Variants in CDH13 observed in about 807,000 individuals in gnomAD.
CDH13 encodes cadherin-13.
In CDH13, 24 loss-of-function variants were observed where a neutral mutation model predicts 63.8. The observed-to-expected ratio is 0.38, with a 90% CI of 0.27 to 0.53. The LOEUF (loss-of-function observed/expected upper bound fraction) is 0.53, where lower values mean the gene tolerates loss of function less well. Among genes scored for constraint, CDH13 ranks in the 20% least tolerant of loss-of-function variants. The pLI, the probability that CDH13 is intolerant of heterozygous loss-of-function variation, is 0.85. For missense variants in CDH13, 1,049 were observed against 903.1 expected (o/e 1.16, Z -2.07); for synonymous variants, 503 against 355.3 (o/e 1.42, Z -4.67).
At chr16:82,760,874 A>G (rs1332729803) in intron 1 of CDH13, among the ~76,000 whole-genome samples, 1 of 151,988 alleles carries the variant, frequency 6.6e-6, no homozygotes, top group East Asian at 1.9e-4. Flanking sequence ...TTCAACAATC[A>G]GATCTTGCAG....
chr16:83,014,820 A>ATATATGTG (rs1184793093), intron 2 of CDH13, among the ~76,000 whole-genome samples: 1 of 66,242 alleles, frequency 1.5e-5, no homozygotes, highest in Non-Finnish European at 2.9e-5. Flanking sequence ...ATATTTGTAT[A>ATATATGTG]TATATATTTG....
intron 4 of CDH13, among the ~76,000 whole-genome samples, chr16:83,197,791 C>G (rs114524162): frequency 0.026 from 3,747 of 144,250 alleles, 134 homozygotes; most frequent in African/African-American, 0.09. Context: ...CACTCACACA[C>G]TCATATGCTC....
At chr16:83,218,114 G>T (rs1306871232) in intron 5 of CDH13, among the ~76,000 whole-genome samples, 3 of 152,192 alleles carry the variant, frequency 2.0e-5, no homozygotes, top group African/African-American at 7.2e-5. Context: ...AGAAAAATCA[G>T]TGGGTTAATG....
At chr16:82,941,939 C>G (rs779921905) in intron 2 of CDH13, among the ~76,000 whole-genome samples, 5 of 152,146 alleles carry the variant, frequency 3.3e-5, no homozygotes, top group Admixed American at 2.6e-4. Context: ...CTTCATATAT[C>G]CTGAATATAA....
intron 1 of CDH13, among the ~76,000 whole-genome samples, chr16:82,807,771 T>G (rs1239232546): frequency 2.0e-5 from 3 of 152,136 alleles, no homozygotes; most frequent in African/African-American, 7.2e-5. Flanking sequence ...ATGGAGCATT[T>G]TATATGTGGA....
At chr16:83,656,239 C>G (rs1221225846) in intron 8 of CDH13, among the ~76,000 whole-genome samples, 1 of 152,134 alleles carries the variant, frequency 6.6e-6, no homozygotes, top group Non-Finnish European at 1.5e-5. Context: ...AGAGAGGAAT[C>G]AAAAGATGAC....
intron 2 of CDH13, among the ~76,000 whole-genome samples, chr16:83,031,478 G>A (rs950347615): frequency 6.6e-6 from 1 of 151,016 alleles, no homozygotes; most frequent in Admixed American, 6.6e-5. Context: ...ACATGTACAT[G>A]TATATGCACA....
intron 6 of CDH13, among the ~76,000 whole-genome samples, chr16:83,411,515 T>C (rs879916070): frequency 1.3e-5 from 2 of 152,222 alleles, no homozygotes; most frequent in East Asian, 3.9e-4. Flanking sequence ...AGTCAATGAA[T>C]ATTCAAATTC....
At chr16:83,085,499 A>C (rs2033535130) in intron 3 of CDH13, among the ~76,000 whole-genome samples, 2 of 152,176 alleles carry the variant, frequency 1.3e-5, no homozygotes, top group South Asian at 4.1e-4. Flanking sequence ...AGGGTGAGCC[A>C]GCCAGCCATG....
At chr16:82,650,728 A>C (rs1251351206) in intron 1 of CDH13, among the ~76,000 whole-genome samples, 1 of 152,116 alleles carries the variant, frequency 6.6e-6, no homozygotes, top group Non-Finnish European at 1.5e-5. Context: ...TGATCATGAA[A>C]CCTGCCAAAG....
At chr16:82,758,071 T>C (rs2034686625) in intron 1 of CDH13, among the ~76,000 whole-genome samples, 1 of 152,142 alleles carries the variant, frequency 6.6e-6, no homozygotes. Context: ...CTCATCTTTG[T>C]TCATGACCGG....
intron 9 of CDH13, among the ~76,000 whole-genome samples, chr16:83,672,674 C>T (rs140950323): frequency 6.6e-6 from 1 of 152,190 alleles, no homozygotes; most frequent in Non-Finnish European, 1.5e-5. Flanking sequence ...ATCTGCCCGC[C>T]TTGGCCTCCC....
chr16:83,035,724 T>G (rs1916787428), intron 3 of CDH13, among the ~76,000 whole-genome samples: 1 of 152,150 alleles, frequency 6.6e-6, no homozygotes, highest in South Asian at 2.1e-4. Context: ...TTCATGGTGT[T>G]TCTCTTCTAA....
At chr16:83,652,692 G>GT (rs1261026131) in intron 8 of CDH13, among the ~76,000 whole-genome samples, 1 of 152,106 alleles carries the variant, frequency 6.6e-6, no homozygotes, top group African/African-American at 2.4e-5. Context: ...ACGGTCTCTT[G>GT]TATTTGAAAG....
intron 1 of CDH13, among the ~76,000 whole-genome samples, chr16:82,819,838 A>G (rs1204870254): frequency 6.6e-6 from 1 of 152,214 alleles, no homozygotes; most frequent in Admixed American, 6.5e-5. Flanking sequence ...AGCAGAAGAG[A>G]CAACTAATAT....
rs563416277 is a variant in CDH13, at chr16:83,062,948, A to T, written c.366+30730A>T. Among the ~76,000 whole-genome samples, 4 of 145,472 alleles carry T rather than the reference A, an allele frequency of 2.7e-5. 1 individual carries two copies. Among genetic ancestry groups the T allele is most frequent in the South Asian group, 2.2e-4 (1 of 4,608 alleles). ...TCCCTCATAGCTAATCAGATGTCTT[A>T]TGTGGTGGTTGGCATTTTTTTTTTT... is the stretch of plus-strand genomic sequence containing the variant. On this transcript the variant is annotated intron_variant, in intron 3 of 13. Coordinates refer to ENST00000567109, the MANE Select transcript of CDH13 (RefSeq NM_001257.5).
intron 4 of CDH13, among the ~76,000 whole-genome samples, chr16:83,205,940 C>A (rs1425943210): frequency 3.9e-5 from 6 of 152,092 alleles, no homozygotes; most frequent in African/African-American, 1.2e-4. Context: ...GAGAGAGAAA[C>A]TGACCATGAG....
intron 1 of CDH13, among the ~76,000 whole-genome samples, chr16:82,686,136 CA>C (rs1437823195): frequency 1.3e-5 from 2 of 152,196 alleles, no homozygotes; most frequent in African/African-American, 2.4e-5. Flanking sequence ...TCTTAATTAT[CA>C]AAATACAGGG....
In CDH13 at chr16:83,486,497, A is replaced by G. The variant is rs1282116178; in HGVS notation, c.802A>G (p.Thr268Ala). The G allele has an allele frequency of 1.2e-6, 2 of 1,613,644 alleles. No homozygotes were observed. The change falls in exon 7 of 14, where the codon ACA becomes GCA. Residue 268 changes from threonine to alanine, a missense_variant. By Grantham distance (58) the Thr-to-Ala change is moderately conservative (BLOSUM62 0). Transcript: ENST00000567109. ...SPTGTTVMRM[T>A]AFDADDPATD... ...GGTAGGCACCACAGTGATGCGGATG[A>G]CAGCCTTTGATGCAGATGACCCAGC...
Sources: allele counts gnomAD v4.1 joint callset (sites outside exome capture counted in the v4.1 genomes callset), GRCh38; gene constraint gnomAD v4.1.1; transcripts MANE v1.5; gene names NCBI Gene and HGNC (gene_info 2026-07-23, HGNC 2026-07-21).